SH3GL3: variants seen among roughly 807,000 people sequenced by gnomAD.
SH3GL3 encodes the protein endophilin-A3.
In SH3GL3, 33 loss-of-function variants were observed where a neutral mutation model predicts 47.7. The ratio of observed to expected loss-of-function variants is 0.69; its 90% CI spans 0.52 to 0.92. The LOEUF is 0.92. SH3GL3 is among the 40% of genes least tolerant of loss of function. The pLI is 0.00. For synonymous variants in SH3GL3, 155 were observed against 148.8 expected, an observed-to-expected ratio of 1.04 and a Z score of -0.30; for missense variants, 363 against 417.8, an observed-to-expected ratio of 0.87 and a Z score of 1.14.
intron 1 of SH3GL3, among the ~76,000 whole-genome samples, chr15:83,466,165 C>T (rs1250133702): frequency 6.6e-6 from 1 of 152,100 alleles, no homozygotes; most frequent in Non-Finnish European, 1.5e-5. Context: ...CTTAAAGTGT[C>T]AGCGTAATAC....
chr15:83,572,538 C>T lies in SH3GL3; in HGVS notation c.332-27C>T, dbSNP rs1431955645. 1.9e-6 allele frequency: 3 copies of T among 1,596,986 alleles called. No homozygotes were observed. In the East Asian group the frequency reaches 6.7e-5, roughly 36 times the overall value. On this transcript the variant is annotated intron_variant, in intron 4 of 8. Coordinates refer to ENST00000427482, the MANE Select transcript of SH3GL3 (RefSeq NM_003027.5). ...ACCTGGAGTAGTGTTCCCAAAGAAC[C>T]TTTTGTATTTATGTTTTCTATTCAA...
chr15:83,538,923 G>C (rs535695412), intron 1 of SH3GL3, among the ~76,000 whole-genome samples: 4 of 152,240 alleles, frequency 2.6e-5, no homozygotes, highest in Admixed American at 1.3e-4. Flanking sequence ...AGCTTTAGTA[G>C]ATTCTGCCAA....
At chr15:83,568,452 G>A in intron 3 of SH3GL3, 77 bp from the exon 4 acceptor site, 1 of 1,241,092 alleles carries the variant, frequency 8.1e-7, no homozygotes, top group Non-Finnish European at 1.2e-6. Context: ...AGTTTTGGCA[G>A]CTGCGTTTAT....
intron 1 of SH3GL3, among the ~76,000 whole-genome samples, chr15:83,492,726 C>T (rs2041924971): frequency 6.6e-6 from 1 of 152,220 alleles, no homozygotes; most frequent in Non-Finnish European, 1.5e-5. Context: ...TTCCCTCTAT[C>T]CCCCAGGGTT....
chr15:83,587,124 G>A (rs1369005371), intron 7 of SH3GL3, 38 bp downstream of exon 7: 4 of 1,078,474 alleles, frequency 3.7e-6, no homozygotes, highest in East Asian at 2.5e-5. Context: ...CAAGGGCTGC[G>A]GAGGTAACAT....
At chr15:83,463,453 A>G (rs558858102) in intron 1 of SH3GL3, among the ~76,000 whole-genome samples, 3 of 152,292 alleles carry the variant, frequency 2.0e-5, no homozygotes, top group South Asian at 2.1e-4. Context: ...TGGCTTTACT[A>G]TAGCTGTGCT....
intron 1 of SH3GL3, among the ~76,000 whole-genome samples, chr15:83,542,011 G>A (rs769298159): frequency 6.6e-6 from 1 of 152,158 alleles, no homozygotes; most frequent in South Asian, 2.1e-4. Flanking sequence ...GGTTGCCTGT[G>A]CTTTTAGGGT....
rs1450379860 is a variant in SH3GL3, at chr15:83,597,643, C to T, written c.838+8872C>T. On this transcript the variant is annotated intron_variant, in intron 8 of 8. Coordinates refer to ENST00000427482, the MANE Select transcript of SH3GL3 (RefSeq NM_003027.5). Reference sequence around the variant, plus strand: ...TTTTTTTTTGAGATGGAGTTTCGCTCTTGTCACCCAGGCTGGAGTGCAATG... The same window carrying T: ...TTTTTTTTTGAGATGGAGTTTCGCTTTTGTCACCCAGGCTGGAGTGCAATG... Among the ~76,000 whole-genome samples, 9 of 151,146 alleles carry T rather than the reference C, an allele frequency of 6.0e-5. No individual in the cohort carries two copies. The East Asian group carries it at 1.4e-3, about 23-fold the overall frequency.
chr15:83,529,876 C>G (rs1000195599), intron 1 of SH3GL3, among the ~76,000 whole-genome samples: 5 of 152,132 alleles, frequency 3.3e-5, no homozygotes, highest in South Asian at 4.1e-4. Context: ...TGCATAGTGG[C>G]CACGCAGGCA....
At chr15:83,498,714 C>T (rs1307760265) in intron 1 of SH3GL3, among the ~76,000 whole-genome samples, 1 of 152,200 alleles carries the variant, frequency 6.6e-6, no homozygotes, top group Admixed American at 6.5e-5. Context: ...CACCTATTTT[C>T]TCTCCTGCTC....
At chr15:83,541,335 T>TTTTTTTTTTTTTTTTTTTG (rs2044153689) in intron 1 of SH3GL3, among the ~76,000 whole-genome samples, 1 of 94,410 alleles carries the variant, frequency 1.1e-5, no homozygotes, top group African/African-American at 4.6e-5. Flanking sequence ...TTTTTTTTTT[T>TTTTTTTTTTTTTTTTTTTG]TTTTTTTTTT....
intron 8 of SH3GL3, among the ~76,000 whole-genome samples, chr15:83,600,168 T>C (rs13379579): frequency 0.24 from 36,220 of 152,142 alleles, 4,526 homozygotes; most frequent in East Asian, 0.33. Flanking sequence ...CTGTTCCTTT[T>C]GCTCTGCAAA....
chr15:83,600,247 G>A (rs916571964), intron 8 of SH3GL3, among the ~76,000 whole-genome samples: 1 of 152,126 alleles, frequency 6.6e-6, no homozygotes. Flanking sequence ...TGGGTTCTTG[G>A]TCATGAAGTC....
At chr15:83,495,660 C>T (rs2042047666) in intron 1 of SH3GL3, among the ~76,000 whole-genome samples, 1 of 152,074 alleles carries the variant, frequency 6.6e-6, no homozygotes, top group South Asian at 2.1e-4. Flanking sequence ...TTGCTTGAAC[C>T]CAGGAGGCGG....
intron 5 of SH3GL3, among the ~76,000 whole-genome samples, chr15:83,575,973 TCTAA>T (rs1447158456): frequency 6.6e-6 from 1 of 152,154 alleles, no homozygotes; most frequent in African/African-American, 2.4e-5. Flanking sequence ...AGTGGACAGT[TCTAA>T]CTGTTATATT....
chr15:83,537,575 G>T (rs2043968196), intron 1 of SH3GL3, among the ~76,000 whole-genome samples: 1 of 152,004 alleles, frequency 6.6e-6, no homozygotes, highest in Non-Finnish European at 1.5e-5. Flanking sequence ...TGGCGTGTGG[G>T]GATGGGGGTG....
intron 2 of SH3GL3, among the ~76,000 whole-genome samples, chr15:83,564,932 T>C (rs995201245): frequency 1.3e-5 from 2 of 152,146 alleles, no homozygotes; most frequent in Admixed American, 1.3e-4. Context: ...TTCTCCAACA[T>C]CACTTGAAGG....
At chr15:83,591,696 A>AT (rs1174188467) in intron 8 of SH3GL3, among the ~76,000 whole-genome samples, 3 of 151,472 alleles carry the variant, frequency 2.0e-5, no homozygotes, top group South Asian at 2.1e-4. Flanking sequence ...ATTTATTTTT[A>AT]TTTTTTTGAG....
At chr15:83,562,267 G>A (rs2045327423) in intron 2 of SH3GL3, among the ~76,000 whole-genome samples, 2 of 152,130 alleles carry the variant, frequency 1.3e-5, no homozygotes, top group Admixed American at 6.5e-5. Context: ...GGCAGCTCCA[G>A]TATGTGCATG....
Sources: allele counts gnomAD v4.1 joint callset (sites outside exome capture counted in the v4.1 genomes callset), GRCh38; gene constraint gnomAD v4.1.1; transcripts MANE v1.5; gene names NCBI Gene and HGNC (gene_info 2026-07-23, HGNC 2026-07-21).